SPTLC3: variants seen among roughly 807,000 people sequenced by gnomAD.
SPTLC3 encodes the protein serine palmitoyltransferase 3.
Under a neutral mutation model 59.3 loss-of-function variants are expected in SPTLC3, and 36 were observed. The ratio of observed to expected loss-of-function variants is 0.61; its 90% CI spans 0.47 to 0.80. SPTLC3 has a LOEUF of 0.80. Ranked by LOEUF, SPTLC3 falls within the 30% of genes least tolerant of loss-of-function variation. The pLI is 0.00. For synonymous variants in SPTLC3, 257 were observed against 240.8 expected (o/e 1.07, Z -0.62); for missense variants, 625 against 685.1 (o/e 0.91, Z 0.98).
chr20:13,074,135 AG>A, intron 3 of SPTLC3: 1 of 725,968 alleles, frequency 1.4e-6, no homozygotes. Flanking sequence ...GCACTGGCTG[AG>A]GGGGTCTGGA....
At chr20:13,161,894 C>T (rs1310592595) in intron 11 of SPTLC3, among the ~76,000 whole-genome samples, 1 of 152,148 alleles carries the variant, frequency 6.6e-6, no homozygotes, top group East Asian at 1.9e-4. Flanking sequence ...AAAACATAAA[C>T]CATTGTATTG....
At chr20:13,036,619 G>A (rs1438665126) in intron 1 of SPTLC3, among the ~76,000 whole-genome samples, 1 of 152,052 alleles carries the variant, frequency 6.6e-6, no homozygotes, top group East Asian at 1.9e-4. Flanking sequence ...AAAGTTTAAA[G>A]TTACACATAG....
At chr20:13,142,345 G>A (rs566773244) in intron 9 of SPTLC3, among the ~76,000 whole-genome samples, 2 of 152,290 alleles carry the variant, frequency 1.3e-5, no homozygotes, top group African/African-American at 4.8e-5. Flanking sequence ...ACCCTGAGAT[G>A]GGGGAGTGGT....
At chr20:13,014,692 C>T (rs679984) in intron 1 of SPTLC3, among the ~76,000 whole-genome samples, 87,387 of 151,626 alleles carry the variant, frequency 0.58, 25,527 homozygotes, top group African/African-American at 0.63. Context: ...GAAGCCGATA[C>T]GCTCATGAGC....
At chr20:13,148,231 A>G (rs982362266) in intron 9 of SPTLC3, among the ~76,000 whole-genome samples, 2 of 151,944 alleles carry the variant, frequency 1.3e-5, no homozygotes, top group Non-Finnish European at 2.9e-5. Flanking sequence ...TTTGTGTTTT[A>G]TTTGTTTTTC....
chr20:13,089,588 C>T (rs1568596653), intron 4 of SPTLC3, among the ~76,000 whole-genome samples: 2 of 151,988 alleles, frequency 1.3e-5, no homozygotes, highest in Admixed American at 6.6e-5. Flanking sequence ...GAGTTCGAGA[C>T]CAGCCTGCGC....
chr20:13,153,317 A>G (rs943763957), intron 9 of SPTLC3, among the ~76,000 whole-genome samples: 1 of 152,150 alleles, frequency 6.6e-6, no homozygotes, highest in Admixed American at 6.5e-5. Context: ...GAGCTGAAGC[A>G]CCAATAACCT....
chr20:13,082,528 T>C (rs1048886406), intron 4 of SPTLC3, among the ~76,000 whole-genome samples: 5 of 151,730 alleles, frequency 3.3e-5, no homozygotes, highest in African/African-American at 4.8e-5. Context: ...CATAAATCTT[T>C]GTTGGATCAC....
At chr20:13,115,226 A>T (rs1192474358) in intron 7 of SPTLC3, among the ~76,000 whole-genome samples, 1 of 152,206 alleles carries the variant, frequency 6.6e-6, no homozygotes, top group African/African-American at 2.4e-5. Flanking sequence ...AAAAGGCTCA[A>T]TTCAAATTTG....
chr20:13,096,730 G>T (rs970348258), intron 6 of SPTLC3, among the ~76,000 whole-genome samples: 2 of 152,002 alleles, frequency 1.3e-5, no homozygotes, highest in Non-Finnish European at 2.9e-5. Context: ...TAAATTCATC[G>T]AATTGTACAC....
Position 13,025,111 on chromosome 20 carries a change from G to A in SPTLC3, c.117+15727G>A, listed in dbSNP as rs191452032. Among the ~76,000 whole-genome samples the A allele has an allele frequency of 1.2e-3, 178 of 152,212 alleles. 1 individual carries two copies. Among genetic ancestry groups the A allele is most frequent in the African/African-American group, 4.0e-3 (168 of 41,528 alleles). ...ACATGTAGAAAACTTCCTTTTCTGC[G>A]TGTCACAGATCACCACGTCAGAGAA... On this transcript the variant is annotated intron_variant, in intron 1 of 11. Transcript: ENST00000399002.
chr20:13,087,437 G>T (rs1446681960), intron 4 of SPTLC3, among the ~76,000 whole-genome samples: 2 of 152,164 alleles, frequency 1.3e-5, no homozygotes, highest in Non-Finnish European at 2.9e-5. Context: ...GTCTTTACTA[G>T]AAGACTTCTC....
chr20:13,037,101 C>G (rs1390692858), intron 1 of SPTLC3, among the ~76,000 whole-genome samples: 1 of 152,106 alleles, frequency 6.6e-6, no homozygotes, highest in African/African-American at 2.4e-5. Context: ...TTCCAGAAAT[C>G]CCAATCAGAC....
intron 9 of SPTLC3, among the ~76,000 whole-genome samples, chr20:13,142,444 G>A (rs549249768): frequency 6.6e-6 from 1 of 152,326 alleles, no homozygotes; most frequent in East Asian, 1.9e-4. Context: ...CCAGGGTAAA[G>A]GGGAACTGGT....
intron 1 of SPTLC3, among the ~76,000 whole-genome samples, chr20:13,046,137 G>C (rs4814190): frequency 0.12 from 18,846 of 152,070 alleles, 1,224 homozygotes; most frequent in Middle Eastern, 0.21. Flanking sequence ...TTTTTCTTCT[G>C]TGGTACCGGA....
intron 11 of SPTLC3, among the ~76,000 whole-genome samples, chr20:13,163,716 G>T (rs2038941796): frequency 6.6e-6 from 1 of 151,730 alleles, no homozygotes. Context: ...AAAGAGGAAA[G>T]TCCATAAGAT....
rs773287063 is a variant in SPTLC3 at position 13,126,655 on chromosome 20, C to T, written c.1217C>T (p.Pro406Leu). Residue 406 changes from proline (P) to leucine (L), a missense_variant, in exon 9 of 12, where the codon CCG (proline) becomes CTG (leucine). Transcript: ENST00000399002. ...GTTTATGCTTCATCCATGAGCCCACCGATAGCAGAGCAAATCATCAGATCA... is the reference window on the plus strand; with the variant it reads ...GTTTATGCTTCATCCATGAGCCCACTGATAGCAGAGCAAATCATCAGATCA... Reference protein sequence around the residue: ...SAVYASSMSPPIAEQIIRSLK... With the variant: ...SAVYASSMSPLIAEQIIRSLK... The T allele has an allele frequency of 9.3e-6, 15 of 1,613,904 alleles. No individual in the cohort carries two copies. Among genetic ancestry groups the T allele is most frequent in the East Asian group, 2.2e-5 (1 of 44,892 alleles).
chr20:13,153,307 G>A (rs6041913), intron 9 of SPTLC3, among the ~76,000 whole-genome samples: 8,609 of 152,194 alleles, frequency 0.057, 283 homozygotes, highest in African/African-American at 0.087. Context: ...CAGGCTATAA[G>A]AGCTGAAGCA....
chr20:13,099,486 G>A (rs149515037), intron 6 of SPTLC3, among the ~76,000 whole-genome samples: 145 of 152,294 alleles, frequency 9.5e-4, no homozygotes, highest in African/African-American at 3.3e-3. Context: ...GAAACCACTA[G>A]GCTTTCATTC....
Sources: gnomAD v4.1 joint callset for allele counts (sites outside exome capture counted in the v4.1 genomes callset) on GRCh38, gnomAD v4.1.1 for gene constraint, MANE v1.5 for transcripts, NCBI Gene and HGNC (gene_info 2026-07-23, HGNC 2026-07-21) for gene names.